ATL2: variants seen among roughly 807,000 people sequenced by gnomAD.
The protein encoded by ATL2 is atlastin GTPase 2, also known as atlastin-2.
ATL2 carries 31 observed loss-of-function variants against 73.9 expected under a neutral mutation model. That is an observed-to-expected ratio of 0.42 (90% CI 0.32 to 0.57). The LOEUF is 0.57. Among genes scored for constraint, ATL2 ranks in the 20% least tolerant of loss-of-function variants. The probability of loss-of-function intolerance (pLI) is 0.14; values close to 1 mark genes in which losing one functional copy is unlikely to be tolerated. For missense variants in ATL2, 738 were observed against 702.6 expected, an observed-to-expected ratio of 1.05 and a Z score of -0.57; for synonymous variants, 291 against 237.5, an observed-to-expected ratio of 1.23 and a Z score of -2.07.
intron 2 of ATL2, among the ~76,000 whole-genome samples, chr2:38,330,952 C>G (rs531912630): frequency 5.3e-5 from 8 of 152,296 alleles, no homozygotes; most frequent in South Asian, 4.1e-4. Context: ...GACTCACTTC[C>G]TCACTTCAAA....
rs369848242 is a variant in ATL2 at position 38,327,158 on chromosome 2, G to A, written c.364-8139C>T. On this transcript the variant is annotated intron_variant, in intron 2 of 12. Coordinates refer to ENST00000378954, the MANE Select transcript of ATL2 (RefSeq NM_001135673.4). The stretch of plus-strand genomic sequence containing the variant: ...TAGCCAAAAACCAAGGAATGTTGTC[G>A]CCAATACGTCAGCAAAAAGGAAAAT... 4.5e-4 allele frequency among the ~76,000 whole-genome samples: 68 copies of A among 152,076 alleles called. 3 individuals are homozygous for A. In the South Asian group the frequency reaches 7.7e-3, roughly 17 times the overall value.
intron 1 of ATL2, among the ~76,000 whole-genome samples, chr2:38,353,061 A>T (rs908048289): frequency 1.3e-5 from 2 of 150,762 alleles, no homozygotes; most frequent in Non-Finnish European, 2.9e-5. Flanking sequence ...AAATTACTAG[A>T]CATACAAAGA....
At chr2:38,307,427 A>T (rs1434517556) in intron 9 of ATL2, among the ~76,000 whole-genome samples, 2 of 147,454 alleles carry the variant, frequency 1.4e-5, no homozygotes, top group East Asian at 4.2e-4. Flanking sequence ...TGAACCTGGG[A>T]GGCGGACGTT....
chr2:38,315,369 T>G, intron 4 of ATL2, 35 bp from the exon 5 acceptor site: 1 of 1,489,926 alleles, frequency 6.7e-7, no homozygotes, highest in Non-Finnish European at 8.9e-7. Flanking sequence ...TTTTTATTAG[T>G]GTTTTGTTCT....
chr2:38,305,457 G>A (rs991966476), intron 9 of ATL2, among the ~76,000 whole-genome samples: 5 of 152,122 alleles, frequency 3.3e-5, no homozygotes, highest in Non-Finnish European at 5.9e-5. Context: ...ACTGAGGCAG[G>A]AGAATCACTT....
chr2:38,335,325 A>G (rs1183083264), intron 2 of ATL2, among the ~76,000 whole-genome samples: 3 of 152,194 alleles, frequency 2.0e-5, no homozygotes, highest in Admixed American at 1.3e-4. Context: ...CATAACAGAA[A>G]AAAACTAGAA....
chr2:38,300,346 T>G lies in ATL2; in HGVS notation c.1072-18A>C. 1.9e-6 allele frequency: 3 copies of G among 1,587,816 alleles called. No homozygotes were observed. The highest frequency in any genetic ancestry group is 1.1e-5 in the South Asian group (1 of 90,232). ...ATGTAAGCCTAAAAAGGGAGAAGATTTGTTAGACTGACGGATTATGCAATT... is the reference window on the plus strand; with the variant it reads ...ATGTAAGCCTAAAAAGGGAGAAGATGTGTTAGACTGACGGATTATGCAATT... On this transcript the variant is annotated intron_variant, in intron 9 of 12. Transcript: ENST00000378954.
At chr2:38,350,053 T>C (rs182193668) in intron 1 of ATL2, among the ~76,000 whole-genome samples, 10 of 152,344 alleles carry the variant, frequency 6.6e-5, no homozygotes, top group African/African-American at 2.4e-4. Context: ...TTCATTAGGA[T>C]ACCTGTAAAT....
intron 2 of ATL2, among the ~76,000 whole-genome samples, chr2:38,334,458 T>C (rs1011334014): frequency 6.6e-6 from 1 of 151,802 alleles, no homozygotes; most frequent in Non-Finnish European, 1.5e-5. Context: ...TCCCAGCACT[T>C]TGGGAGGCTG....
At chr2:38,346,263 T>C (rs1670010699) in intron 1 of ATL2, among the ~76,000 whole-genome samples, 1 of 152,260 alleles carries the variant, frequency 6.6e-6, no homozygotes, top group Admixed American at 6.5e-5. Flanking sequence ...CTGTAGCATC[T>C]AACTGGTTTC....
Position 38,341,866 on chromosome 2 carries a change from A to G in ATL2, c.363+1402T>C, listed in dbSNP as rs999208521. ...TTACCTCGAAGAGAATGCACACCCAATTACAAATGTCACAGAACTCATAAA... is the reference window on the plus strand; with the variant it reads ...TTACCTCGAAGAGAATGCACACCCAGTTACAAATGTCACAGAACTCATAAA... On this transcript the variant is annotated intron_variant, in intron 2 of 12. Coordinates refer to ENST00000378954, the MANE Select transcript of ATL2 (RefSeq NM_001135673.4). 5.3e-5 allele frequency among the ~76,000 whole-genome samples: 8 copies of G among 152,302 alleles called. No individual in the cohort carries two copies. In the South Asian group the frequency reaches 1.4e-3, roughly 28 times the overall value.
intron 1 of ATL2, among the ~76,000 whole-genome samples, chr2:38,367,134 T>C (rs1671375819): frequency 6.6e-6 from 1 of 152,072 alleles, no homozygotes; most frequent in African/African-American, 2.4e-5. Flanking sequence ...CATTATCTTT[T>C]AATCTTAGAA....
At position 38,297,953 on chromosome 2, in the gene ATL2, C is replaced by T. The variant is rs1666981468; in HGVS notation, c.1632+191G>A. ...GAGGATAGTACAGATTTAGGCTAAC[C>T]AAAGTACATTAAAATTATAACTTTA... is the stretch of plus-strand genomic sequence containing the variant. On this transcript the variant is annotated intron_variant, in intron 12 of 12. Coordinates refer to ENST00000378954, the MANE Select transcript of ATL2 (RefSeq NM_001135673.4). 3 of 597,594 alleles carry T rather than the reference C, an allele frequency of 5.0e-6. No homozygotes were observed. In the East Asian group the frequency reaches 8.7e-5, roughly 17 times the overall value. The allele number at this position is 597,594 out of a possible 1,614,324, so 37.0% of individuals were successfully genotyped here. A position where few individuals can be genotyped will look rare whatever the true frequency, so the allele number is the denominator to read the frequency against.
chr2:38,367,620 C>A (rs144794867), intron 1 of ATL2, among the ~76,000 whole-genome samples: 112,845 of 113,510 alleles, frequency 0.99, 56,093 homozygotes, highest in East Asian at 1. Context: ...AAAAAAACCG[C>A]CCATTTAAAA....
At chr2:38,325,214 A>G (rs1668531534) in intron 2 of ATL2, among the ~76,000 whole-genome samples, 1 of 152,222 alleles carries the variant, frequency 6.6e-6, no homozygotes, top group South Asian at 2.1e-4. Flanking sequence ...TATCTTTACA[A>G]CAAGAGAAAA....
intron 1 of ATL2, chr2:38,354,200 G>C (rs1213112963): frequency 4.8e-6 from 2 of 415,934 alleles, no homozygotes; most frequent in Non-Finnish European, 9.2e-6. Flanking sequence ...AAAGCAAAGA[G>C]TATCTGTCAT....
chr2:38,339,487 A>C (rs1669572368), intron 2 of ATL2, among the ~76,000 whole-genome samples: 1 of 152,180 alleles, frequency 6.6e-6, no homozygotes. Context: ...ATTCAGGTAT[A>C]CAGGCTCTCT....
At chr2:38,360,509 T>C (rs1413756260) in intron 1 of ATL2, among the ~76,000 whole-genome samples, 1 of 152,154 alleles carries the variant, frequency 6.6e-6, no homozygotes, top group East Asian at 1.9e-4. Context: ...CTCAAACTCC[T>C]GGACTAAAGG....
At chr2:38,360,128 CAAAAAAAAAAAA>C (rs755582696) in intron 1 of ATL2, among the ~76,000 whole-genome samples, 1 of 81,962 alleles carries the variant, frequency 1.2e-5, no homozygotes, top group Admixed American at 1.5e-4. Context: ...GGCTCCATTT[CAAAAAAAAAAAA>C]AAAAAAAAAG....
Sources: gnomAD v4.1 joint callset for allele counts (sites outside exome capture counted in the v4.1 genomes callset) on GRCh38, gnomAD v4.1.1 for gene constraint, MANE v1.5 for transcripts, NCBI Gene and HGNC (gene_info 2026-07-23, HGNC 2026-07-21) for gene names.